Variants in XRCC4 observed in about 807,000 individuals in gnomAD.
XRCC4 encodes DNA repair protein XRCC4.
A neutral mutation model predicts 39.1 loss-of-function variants in XRCC4; 28 were observed. The observed-to-expected ratio is 0.72, with a 90% CI of 0.53 to 0.98. The LOEUF (loss-of-function observed/expected upper bound fraction) is 0.98. Ranked by LOEUF, XRCC4 falls within the 50% of genes least tolerant of loss-of-function variation. XRCC4 has a pLI of 0.00. For missense variants in XRCC4, 350 were observed against 376.4 expected (o/e 0.93, Z 0.58); for synonymous variants, 123 against 126.4 (o/e 0.97, Z 0.18).
the XRCC4 span, among the ~76,000 whole-genome samples, chr5:83,366,499 A>G: frequency 6.6e-6 from 1 of 152,194 alleles, no homozygotes; most frequent in African/African-American, 2.4e-5. Flanking sequence ...GTCACCCTAC[A>G]ACTCTTCAAA....
chr5:83,361,214 T>A, the XRCC4 span, among the ~76,000 whole-genome samples: 1 of 152,220 alleles, frequency 6.6e-6, no homozygotes, highest in Non-Finnish European at 1.5e-5. Context: ...GTTACTATCA[T>A]ACTATAAAAT....
chr5:83,345,421 G>A (rs534494779), intron 7 of XRCC4, among the ~76,000 whole-genome samples: 1 of 152,228 alleles, frequency 6.6e-6, no homozygotes, highest in South Asian at 2.1e-4. Context: ...AATTGTATAT[G>A]TGTTGTATAG....
intron 4 of XRCC4, among the ~76,000 whole-genome samples, chr5:83,199,857 G>A (rs1751108454): frequency 1.3e-5 from 2 of 152,008 alleles, no homozygotes; most frequent in African/African-American, 4.8e-5. Context: ...TGTTTTCCTA[G>A]TTATTGTAGA....
intron 6 of XRCC4, among the ~76,000 whole-genome samples, chr5:83,211,979 T>G (rs1009804220): frequency 6.6e-6 from 1 of 152,086 alleles, no homozygotes; most frequent in African/African-American, 2.4e-5. Context: ...TGGTCCATAC[T>G]TGGGGGAAAA....
chr5:83,363,180 G>A, the XRCC4 span, among the ~76,000 whole-genome samples: 2 of 152,154 alleles, frequency 1.3e-5, no homozygotes, highest in African/African-American at 4.8e-5. Flanking sequence ...ATTTGAGAAG[G>A]AGATAGATGA....
intron 6 of XRCC4, among the ~76,000 whole-genome samples, chr5:83,234,075 T>C (rs1404208194): frequency 6.6e-6 from 1 of 152,138 alleles, no homozygotes; most frequent in Non-Finnish European, 1.5e-5. Context: ...TTTTTTAATC[T>C]GTGAAATTTA....
At chr5:83,151,013 G>A (rs1580296542) in intron 3 of XRCC4, among the ~76,000 whole-genome samples, 2 of 151,708 alleles carry the variant, frequency 1.3e-5, no homozygotes, top group African/African-American at 4.8e-5. Flanking sequence ...CTTTCTTTCA[G>A]GTGCAAGTTT....
chr5:83,298,373 A>G (rs1317388692), intron 7 of XRCC4, among the ~76,000 whole-genome samples: 1 of 152,004 alleles, frequency 6.6e-6, no homozygotes, highest in Admixed American at 6.6e-5. Context: ...GAAATTTGGT[A>G]AAATCACCCT....
chr5:83,278,019 T>C (rs1358922476), intron 7 of XRCC4, among the ~76,000 whole-genome samples: 3 of 152,102 alleles, frequency 2.0e-5, no homozygotes, highest in African/African-American at 7.2e-5. Context: ...TAGGAGTAGG[T>C]TTTGTTATTT....
Position 83,223,157 on chromosome 5 carries a change from G to T in XRCC4, c.745+18236G>T, listed in dbSNP as rs899474873. On this transcript the variant is annotated intron_variant, in intron 6 of 7. Coordinates refer to ENST00000396027, the MANE Select transcript of XRCC4 (RefSeq NM_003401.5). ...TGAGAAGAATGTGTATTCTGCAGCT[G>T]TTGGGTGAAATGTTCTGTAAATGTC... is the stretch of plus-strand genomic sequence containing the variant. 2.6e-5 allele frequency among the ~76,000 whole-genome samples: 4 copies of T among 152,270 alleles called. No homozygotes were observed. In the South Asian group the frequency reaches 6.2e-4, roughly 24 times the overall value.
intron 3 of XRCC4, among the ~76,000 whole-genome samples, chr5:83,192,319 A>ATATATTTTTTT (rs3069585): frequency 5.6e-5 from 8 of 143,500 alleles, no homozygotes; most frequent in African/African-American, 1.6e-4. Context: ...ATATATATAT[A>ATATATTTTTTT]TTTTTTTGAG....
chr5:83,205,157 T>C (rs1751370653), intron 6 of XRCC4, among the ~76,000 whole-genome samples: 1 of 152,174 alleles, frequency 6.6e-6, no homozygotes, highest in African/African-American at 2.4e-5. Flanking sequence ...TACTCCAAGG[T>C]ATACTATTCC....
intron 3 of XRCC4, among the ~76,000 whole-genome samples, chr5:83,163,720 A>C (rs1021036433): frequency 2.6e-5 from 4 of 152,204 alleles, no homozygotes; most frequent in African/African-American, 9.6e-5. Context: ...CGGGTTGTCT[A>C]TTCATCCACA....
intron 6 of XRCC4, among the ~76,000 whole-genome samples, chr5:83,208,886 G>T (rs948845707): frequency 2.6e-5 from 4 of 151,948 alleles, no homozygotes; most frequent in Non-Finnish European, 5.9e-5. Context: ...GCATACTAAG[G>T]CCCTGGATTT....
intron 7 of XRCC4, among the ~76,000 whole-genome samples, chr5:83,336,366 T>G (rs1756594755): frequency 6.6e-6 from 1 of 152,146 alleles, no homozygotes. Flanking sequence ...CAGACAACTT[T>G]TAGAATTTCT....
At chr5:83,146,199 A>G (rs1748444424) in intron 3 of XRCC4, among the ~76,000 whole-genome samples, 1 of 152,216 alleles carries the variant, frequency 6.6e-6, no homozygotes, top group Non-Finnish European at 1.5e-5. Flanking sequence ...GACACTCAAA[A>G]GAGTTTTATG....
chr5:83,115,139 A>T (rs2112418864), intron 3 of XRCC4, among the ~76,000 whole-genome samples: 1 of 152,264 alleles, frequency 6.6e-6, no homozygotes, highest in Non-Finnish European at 1.5e-5. Flanking sequence ...GAATTATGGG[A>T]TCTACAATTC....
chr5:83,343,438 A>G (rs1307702660), intron 7 of XRCC4, among the ~76,000 whole-genome samples: 1 of 152,160 alleles, frequency 6.6e-6, no homozygotes, highest in East Asian at 1.9e-4. Flanking sequence ...TCATGAACAT[A>G]GCAGTATTCT....
intron 3 of XRCC4, among the ~76,000 whole-genome samples, chr5:83,135,459 T>A (rs538525679): frequency 8.5e-5 from 13 of 152,236 alleles, no homozygotes; most frequent in African/African-American, 2.9e-4. Flanking sequence ...GCAAGTTGAT[T>A]ATAATATGCC....
Sources: allele counts gnomAD v4.1 joint callset (sites outside exome capture counted in the v4.1 genomes callset), GRCh38; gene constraint gnomAD v4.1.1; transcripts MANE v1.5; gene names NCBI Gene and HGNC (gene_info 2026-07-23, HGNC 2026-07-21).